GRIK2: variants seen among roughly 807,000 people sequenced by gnomAD.
GRIK2 encodes the protein glutamate receptor ionotropic, kainate 2.
Under a neutral mutation model 100.3 loss-of-function variants are expected in GRIK2, and 32 were observed. The observed-to-expected ratio is 0.32, with a 90% confidence interval of 0.24 to 0.43. GRIK2 has a LOEUF of 0.43. Ranked by LOEUF, GRIK2 falls within the 20% of genes least tolerant of loss-of-function variation. The pLI is 1.00. For synonymous variants in GRIK2, 417 were observed against 389.4 expected, an observed-to-expected ratio of 1.07 and a Z score of -0.83; for missense variants, 843 against 1,114.9, an observed-to-expected ratio of 0.76 and a Z score of 3.47.
intron 14 of GRIK2, among the ~76,000 whole-genome samples, chr6:101,990,318 T>C (rs1794286920): frequency 6.6e-6 from 1 of 151,806 alleles, no homozygotes; most frequent in South Asian, 2.1e-4. Flanking sequence ...AGTTAAGGTT[T>C]ATGGGATGTA....
At chr6:101,917,104 A>G (rs1437559557) in intron 12 of GRIK2, among the ~76,000 whole-genome samples, 2 of 151,634 alleles carry the variant, frequency 1.3e-5, no homozygotes, top group African/African-American at 4.8e-5. Context: ...TTTTCTGCCA[A>G]GTATGATAGT....
intron 15 of GRIK2, among the ~76,000 whole-genome samples, chr6:102,051,907 C>T (rs1771219469): frequency 6.6e-6 from 1 of 152,128 alleles, no homozygotes; most frequent in Non-Finnish European, 1.5e-5. Context: ...AGTGTGACTC[C>T]TGAGCTTCTC....
chr6:101,968,727 C>A lies in GRIK2; in HGVS notation c.2085+40095C>A, dbSNP rs562005957. ...ACTTGGTAAACATAAATCACACTTT[C>A]ATCCACCCATCAAAAATGTGTGTTC... is the stretch of plus-strand genomic sequence containing the variant. On this transcript the variant is annotated intron_variant, in intron 14 of 16. Transcript: ENST00000369134. 2.7e-5 allele frequency among the ~76,000 whole-genome samples: 4 copies of A among 150,790 alleles called. No individual in the cohort carries two copies. The South Asian group carries it at 8.4e-4, about 32-fold the overall frequency.
chr6:101,683,910 T>C lies in GRIK2; in HGVS notation c.777+1304T>C, dbSNP rs527267595. Among the ~76,000 whole-genome samples the C allele has an allele frequency of 3.9e-5, 6 of 152,310 alleles. No individual in the cohort carries two copies. In the South Asian group the frequency reaches 1.2e-3, roughly 32 times the overall value. ...GTGTCTCTAGCATCTATCTTCTCCA[T>C]TCCCATAACAACCAGTCTAACCAAA... On this transcript the variant is annotated intron_variant, in intron 6 of 16. Transcript: ENST00000369134.
rs1307807230 is a variant in GRIK2 at position 101,799,787 on chromosome 6, A to G, written c.1091A>G (p.Lys364Arg). The G allele has an allele frequency of 1.5e-5, 24 of 1,612,272 alleles. No homozygotes were observed. The highest frequency in any genetic ancestry group is 2.0e-5 in the Non-Finnish European group (23 of 1,178,654). ...GGGACCCGCTTTATGAGTCTAATTA[A>G]AGAGGTAAGTTAGGAGAAGAACATC... The part of the protein sequence containing the change: ...RFGTRFMSLI[K>R]EAHWEGLTGR... The change falls in exon 8 of 17, where the codon AAA (lysine) becomes AGA (arginine). Residue 364 changes from lysine to arginine, a missense_variant. Lys to Arg is a conservative substitution (Grantham distance 26). This residue lies in a region of GRIK2 where 519 missense variants were observed against 643.8 expected (regional missense o/e 0.81). Transcript: ENST00000369134.
chr6:101,772,662 G>A (rs1230790454), intron 7 of GRIK2, among the ~76,000 whole-genome samples: 2 of 125,462 alleles, frequency 1.6e-5, no homozygotes. Flanking sequence ...CTTCTGGTTT[G>A]ATCTCTTCCC....
chr6:101,475,792 T>C (rs1443016301), intron 2 of GRIK2, among the ~76,000 whole-genome samples: 2 of 152,050 alleles, frequency 1.3e-5, no homozygotes, highest in Admixed American at 1.3e-4. Flanking sequence ...AGGCGATATT[T>C]GTGTGGCTGA....
chr6:101,713,404 A>C (rs544962365), intron 7 of GRIK2, among the ~76,000 whole-genome samples: 1 of 151,910 alleles, frequency 6.6e-6, no homozygotes, highest in South Asian at 2.1e-4. Context: ...GTGAAGACTG[A>C]AAGTCATTAT....
intron 14 of GRIK2, among the ~76,000 whole-genome samples, chr6:102,003,519 T>A (rs1795054214): frequency 6.6e-6 from 1 of 151,830 alleles, no homozygotes; most frequent in African/African-American, 2.4e-5. Flanking sequence ...ATGGCATTAA[T>A]CTTTAACAAA....
intron 7 of GRIK2, among the ~76,000 whole-genome samples, chr6:101,752,116 TATC>T (rs1165748939): frequency 1.8e-4 from 28 of 152,364 alleles, no homozygotes; most frequent in African/African-American, 6.3e-4. Context: ...ATTGGTTCTT[TATC>T]ATCTTACAAC....
intron 2 of GRIK2, among the ~76,000 whole-genome samples, chr6:101,543,797 A>T (rs373394946): frequency 4.6e-5 from 7 of 152,338 alleles, no homozygotes; most frequent in African/African-American, 1.7e-4. Context: ...GAATGGCCCA[A>T]AGCCAATGCT....
intron 7 of GRIK2, among the ~76,000 whole-genome samples, chr6:101,741,299 T>A (rs1041249779): frequency 6.6e-6 from 1 of 152,228 alleles, no homozygotes; most frequent in East Asian, 1.9e-4. Context: ...CAACTATTAC[T>A]AGAGTTTTCT....
chr6:101,669,990 A>G (rs573294698), intron 4 of GRIK2, among the ~76,000 whole-genome samples: 206 of 152,284 alleles, frequency 1.4e-3, no homozygotes, highest in Admixed American at 3.2e-3. Context: ...CTCCTGGTGC[A>G]GGAGTTGATG....
intron 4 of GRIK2, among the ~76,000 whole-genome samples, chr6:101,672,282 C>T (rs1412094752): frequency 6.6e-6 from 1 of 152,118 alleles, no homozygotes; most frequent in Non-Finnish European, 1.5e-5. Flanking sequence ...TTGTTAGCAA[C>T]CCTTGACATG....
At chr6:101,592,603 A>G (rs1392962441) in intron 2 of GRIK2, among the ~76,000 whole-genome samples, 1 of 111,512 alleles carries the variant, frequency 9.0e-6, no homozygotes, top group African/African-American at 4.2e-5. Context: ...ATATATATAT[A>G]TATATATATA....
rs778503320 is a variant in GRIK2, at chr6:102,063,180, G to C, written c.2563-5167G>C. Among the ~76,000 whole-genome samples the C allele has an allele frequency of 2.0e-4, 30 of 150,646 alleles. 1 individual carries two copies. Among genetic ancestry groups the C allele is most frequent in the Admixed American group, 1.5e-3 (23 of 15,046 alleles). On this transcript the variant is annotated intron_variant, in intron 16 of 16. Transcript: ENST00000369134. ...CTTATAGATACCATTGATAGGAGTAGCTCAAATTTTGGTAGGCTCCAAGTA... is the reference window on the plus strand; with the variant it reads ...CTTATAGATACCATTGATAGGAGTACCTCAAATTTTGGTAGGCTCCAAGTA...
intron 7 of GRIK2, among the ~76,000 whole-genome samples, chr6:101,768,853 ATATCT>A (rs1480191883): frequency 6.6e-6 from 1 of 152,204 alleles, no homozygotes; most frequent in Non-Finnish European, 1.5e-5. Context: ...AAGTTAAATA[ATATCT>A]TAAAGTGCCT....
intron 2 of GRIK2, among the ~76,000 whole-genome samples, chr6:101,595,962 T>TC (rs997413943): frequency 6.6e-6 from 1 of 151,120 alleles, no homozygotes; most frequent in Non-Finnish European, 1.5e-5. Flanking sequence ...AAAATTTTTT[T>TC]TTTTTTTTGC....
intron 2 of GRIK2, among the ~76,000 whole-genome samples, chr6:101,608,189 G>A (rs1007784169): frequency 5.3e-5 from 8 of 151,672 alleles, no homozygotes; most frequent in Admixed American, 4.6e-4. Context: ...GTGAACCCAA[G>A]CCAACTGACT....
Sources: gnomAD v4.1 joint callset for allele counts (sites outside exome capture counted in the v4.1 genomes callset) on GRCh38, gnomAD v4.1.1 for gene constraint, gnomAD v4.1.1 regional missense constraint, MANE v1.5 for transcripts, NCBI Gene and HGNC (gene_info 2026-07-23, HGNC 2026-07-21) for gene names.